Variants in KDM2B observed in about 807,000 individuals in gnomAD.
The protein encoded by KDM2B is lysine demethylase 2B, also known as lysine-specific demethylase 2B.
A neutral mutation model predicts 150.0 loss-of-function variants in KDM2B; 26 were observed. The observed-to-expected ratio is 0.17, with a 90% CI of 0.13 to 0.24. KDM2B has a LOEUF of 0.24. KDM2B is among the 10% of genes least tolerant of loss of function. KDM2B has a pLI of 1.00. For missense variants in KDM2B, 1,265 were observed against 1,816.9 expected (o/e 0.70, Z 5.52); for synonymous variants, 734 against 729.5 (o/e 1.01, Z -0.10).
At position 121,550,586 on chromosome 12, in the gene KDM2B, T is replaced by C. The variant is rs550517854; in HGVS notation, c.398-948A>G. Among the ~76,000 whole-genome samples the C allele has an allele frequency of 7.9e-5, 12 of 152,282 alleles. No individual in the cohort carries two copies. In the East Asian group the frequency reaches 1.9e-3, roughly 25 times the overall value. ...TCGGCTCACTGCAACCTCCACTTCC[T>C]GGGTTCAAGCAATTCTCATGCCTCA... On this transcript the variant is annotated intron_variant, in intron 4 of 22. Coordinates refer to ENST00000377071, the MANE Select transcript of KDM2B (RefSeq NM_032590.5).
At chr12:121,463,303 G>A (rs1315402299) in intron 12 of KDM2B, among the ~76,000 whole-genome samples, 3 of 150,974 alleles carry the variant, frequency 2.0e-5, no homozygotes, top group African/African-American at 4.9e-5. Flanking sequence ...ACAACAGAGC[G>A]AGACTCCGTC....
intron 14 of KDM2B, 77 bp from the exon 15 acceptor site, chr12:121,444,613 G>T: frequency 8.1e-7 from 1 of 1,227,994 alleles, no homozygotes; most frequent in Non-Finnish European, 1.2e-6. Context: ...GTGACGCCAC[G>T]TCTTCCAGAA....
At chr12:121,546,653 T>A (rs1815323277) in intron 6 of KDM2B, among the ~76,000 whole-genome samples, 1 of 151,056 alleles carries the variant, frequency 6.6e-6, no homozygotes, top group African/African-American at 2.4e-5. Flanking sequence ...TCTGCCCACC[T>A]CGGCCTCCCA....
At chr12:121,502,307 T>C (rs1884641452) in intron 11 of KDM2B, among the ~76,000 whole-genome samples, 1 of 152,136 alleles carries the variant, frequency 6.6e-6, no homozygotes, top group African/African-American at 2.4e-5. Context: ...AGGGATTCGG[T>C]CTAATGCAGA....
chr12:121,423,403 C>A, the KDM2B span: 1 of 1,608,608 alleles, frequency 6.2e-7, no homozygotes, highest in East Asian at 2.2e-5. The surrounding 1 kb of genome is among the most constrained non-coding windows in gnomAD (Gnocchi z 4.3). Context: ...GCGGCTGCAG[C>A]TGCAGGATGA....
chr12:121,444,480 C>A lies in KDM2B; in HGVS notation c.2160G>T (p.Pro720=). Residue 720 remains proline (P), a synonymous_variant, in exon 15 of 23, where the codon CCG becomes CCT. Coordinates refer to ENST00000377071, the MANE Select transcript of KDM2B (RefSeq NM_032590.5). ...CGGTCTTGCCGGCGTGGTTACACTT[C>A]GGACACTCCCAGCAGTTTGGAAGCT... is the stretch of plus-strand genomic sequence containing the variant. ...NDELPNCWEC[P]KCNHAGKTGK... The A allele has an allele frequency of 6.2e-7, 1 of 1,614,172 alleles. No individual in the cohort carries two copies. Among genetic ancestry groups the A allele is most frequent in the Non-Finnish European group, 8.5e-7 (1 of 1,180,030 alleles).
chr12:121,490,758 G>C (rs1313345295), intron 12 of KDM2B, among the ~76,000 whole-genome samples: 6 of 152,164 alleles, frequency 3.9e-5, no homozygotes, highest in African/African-American at 1.2e-4. Flanking sequence ...TGGCTCAGTA[G>C]CATCTTGGAT....
At chr12:121,505,883 A>C (rs1443200980) in intron 11 of KDM2B, among the ~76,000 whole-genome samples, 2 of 152,216 alleles carry the variant, frequency 1.3e-5, no homozygotes, top group Non-Finnish European at 1.5e-5. Flanking sequence ...AAAGCAAAAG[A>C]ATCCTCAACA....
Position 121,530,189 on chromosome 12 carries a change from C to T in KDM2B, c.931+2617G>A, listed in dbSNP as rs572383457. On this transcript the variant is annotated intron_variant, in intron 8 of 22. Coordinates refer to ENST00000377071, the MANE Select transcript of KDM2B (RefSeq NM_032590.5). ...CTTGCAGTGAGCCGAGATTGCGCCA[C>T]TGCACTCCAGCCTGGGCAACAGAGC... Among the ~76,000 whole-genome samples the T allele has an allele frequency of 2.4e-4, 34 of 143,560 alleles. No individual in the cohort carries two copies. The South Asian group carries it at 7.0e-3, about 30-fold the overall frequency. 94.2% of individuals were successfully genotyped at this position (143,560 alleles called of 152,430 possible).
Position 121,559,350 on chromosome 12 carries a change from G to A in KDM2B, c.398-9712C>T, listed in dbSNP as rs887227649. Among the ~76,000 whole-genome samples the A allele has an allele frequency of 2.6e-5, 4 of 151,772 alleles. No individual in the cohort carries two copies. In the South Asian group the frequency reaches 6.2e-4, roughly 24 times the overall value. ...GGACTTCCAGGTCTATGGGAGGGGT[G>A]GGAGGGGAAGTGGTGGGAGGAGGAA... On this transcript the variant is annotated intron_variant, in intron 4 of 22. Coordinates refer to ENST00000377071, the MANE Select transcript of KDM2B (RefSeq NM_032590.5).
intron 13 of KDM2B, among the ~76,000 whole-genome samples, chr12:121,449,969 G>C (rs1349401376): frequency 6.6e-6 from 1 of 152,028 alleles, no homozygotes; most frequent in Admixed American, 6.6e-5. Flanking sequence ...ACCTGATAAG[G>C]GTTAATATCC....
intron 8 of KDM2B, among the ~76,000 whole-genome samples, chr12:121,524,124 C>T (rs1290322901): frequency 2.6e-5 from 4 of 152,170 alleles, no homozygotes; most frequent in African/African-American, 9.7e-5. Flanking sequence ...GCAGGTGCAT[C>T]TTATATGGCC....
intron 8 of KDM2B, among the ~76,000 whole-genome samples, chr12:121,523,045 G>A (rs555863871): frequency 1.3e-5 from 2 of 152,348 alleles, no homozygotes; most frequent in South Asian, 4.1e-4. Context: ...GCTCCTGGCT[G>A]CCGGGTCACA....
In KDM2B at chr12:121,430,603, T is replaced by A; in HGVS notation, c.3830-134A>T. The A allele has an allele frequency of 1.5e-6, 1 of 659,858 alleles. No individual in the cohort carries two copies. Among genetic ancestry groups the A allele is most frequent in the Non-Finnish European group, 2.7e-6 (1 of 370,716 alleles). The allele number at this position is 659,858 out of a possible 1,614,324, so 40.9% of individuals were successfully genotyped here. A position where few individuals can be genotyped will look rare whatever the true frequency, so the allele number is the denominator to read the frequency against. On this transcript the variant is annotated intron_variant, in intron 22 of 22. Transcript: ENST00000377071. This position sits in a 1 kb window ranked among gnomAD's most constrained non-coding sequence, Gnocchi z 4.4. Reference sequence around the variant, plus strand: ...CCAGTCCCTGCTGTGCTGCACTAAATAAAATGTTATTTGCTTAAAATCTCT... The same window carrying A: ...CCAGTCCCTGCTGTGCTGCACTAAAAAAAATGTTATTTGCTTAAAATCTCT...
At chr12:121,578,659 C>CCCCCCA in intron 2 of KDM2B, 143 bp downstream of exon 2, 1 of 311,440 alleles carries the variant, frequency 3.2e-6, no homozygotes, top group Admixed American at 5.2e-5. Flanking sequence ...ACCCCACCCC[C>CCCCCCA]CCAGTGCTCG....
chr12:121,413,302 C>T, the KDM2B span, among the ~76,000 whole-genome samples: 1 of 152,208 alleles, frequency 6.6e-6, no homozygotes, highest in Non-Finnish European at 1.5e-5. Context: ...GCTGGGATTA[C>T]AGGCATAAGC....
chr12:121,428,551 G>T (rs1185083053), downstream of KDM2B, among the ~76,000 whole-genome samples: 1 of 152,132 alleles, frequency 6.6e-6, no homozygotes, highest in African/African-American at 2.4e-5. Flanking sequence ...GCAAGAAAAG[G>T]CTTCTTCCAC....
chr12:121,527,515 A>T (rs1270056600), intron 8 of KDM2B, among the ~76,000 whole-genome samples: 1 of 150,640 alleles, frequency 6.6e-6, no homozygotes, highest in African/African-American at 2.4e-5. Flanking sequence ...TTAGCCGGGC[A>T]TGGTGGCAGG....
At chr12:121,434,791 A>T (rs545326246) in intron 22 of KDM2B, among the ~76,000 whole-genome samples, 1 of 151,976 alleles carries the variant, frequency 6.6e-6, no homozygotes, top group Non-Finnish European at 1.5e-5. Context: ...CCTCATCTCT[A>T]CTAAAAAATA....
Sources: gnomAD v4.1 joint callset for allele counts (sites outside exome capture counted in the v4.1 genomes callset) on GRCh38, gnomAD v4.1.1 for gene constraint, Gnocchi (gnomAD v3.1) non-coding constraint, MANE v1.5 for transcripts, NCBI Gene and HGNC (gene_info 2026-07-23, HGNC 2026-07-21) for gene names.